Variants in BABAM2 observed in about 807,000 individuals in gnomAD.
BABAM2 encodes the protein BRISC and BRCA1-A complex member 2.
In BABAM2, 31 loss-of-function variants were observed where a neutral mutation model predicts 54.7. The observed-to-expected ratio is 0.57, with a 90% CI of 0.43 to 0.77. BABAM2 has a LOEUF of 0.77. BABAM2 is among the 30% of genes least tolerant of loss of function. BABAM2 has a pLI of 0.00. For missense variants in BABAM2, 364 were observed against 455.8 expected, an observed-to-expected ratio of 0.80 and a Z score of 1.83; for synonymous variants, 167 against 162.9, an observed-to-expected ratio of 1.03 and a Z score of -0.19.
At chr2:27,956,532 G>A (rs1377161961) in intron 3 of BABAM2, among the ~76,000 whole-genome samples, 2 of 152,116 alleles carry the variant, frequency 1.3e-5, no homozygotes, top group African/African-American at 4.8e-5. Flanking sequence ...GACCCACACA[G>A]TAGACAATCA....
At chr2:28,277,251 G>A (rs1045313917) in intron 10 of BABAM2, among the ~76,000 whole-genome samples, 1 of 152,076 alleles carries the variant, frequency 6.6e-6, no homozygotes, top group Non-Finnish European at 1.5e-5. Flanking sequence ...GACTACAGGT[G>A]CCCGCCACCA....
chr2:28,176,185 C>T (rs1674923435), intron 7 of BABAM2, among the ~76,000 whole-genome samples: 1 of 152,114 alleles, frequency 6.6e-6, no homozygotes, highest in Non-Finnish European at 1.5e-5. Context: ...AAATATGACA[C>T]CTCTAAGGGA....
At chr2:28,140,856 G>A (rs1256655304) in intron 7 of BABAM2, among the ~76,000 whole-genome samples, 1 of 152,042 alleles carries the variant, frequency 6.6e-6, no homozygotes, top group Non-Finnish European at 1.5e-5. Context: ...AAATACCATA[G>A]ACTGGATGGC....
intron 3 of BABAM2, among the ~76,000 whole-genome samples, chr2:27,978,807 A>G (rs1028790115): frequency 2.3e-4 from 35 of 152,016 alleles, no homozygotes; most frequent in African/African-American, 4.1e-4. Context: ...TCCACCCTCA[A>G]GTAGGCCCCA....
At chr2:28,110,775 A>C (rs577576277) in intron 6 of BABAM2, among the ~76,000 whole-genome samples, 1 of 152,250 alleles carries the variant, frequency 6.6e-6, no homozygotes, top group Admixed American at 6.5e-5. Flanking sequence ...TTTTTGAGAA[A>C]CTGCCGTACT....
intron 6 of BABAM2, among the ~76,000 whole-genome samples, chr2:28,063,478 T>TA (rs1476139028): frequency 6.6e-6 from 1 of 152,242 alleles, no homozygotes; most frequent in Non-Finnish European, 1.5e-5. Flanking sequence ...GCCAAGTCTT[T>TA]AAAATCCAGT....
At chr2:27,943,223 G>C (rs1460707943) in intron 3 of BABAM2, among the ~76,000 whole-genome samples, 1 of 152,108 alleles carries the variant, frequency 6.6e-6, no homozygotes, top group Non-Finnish European at 1.5e-5. Context: ...TAATCTGTTT[G>C]GAAAATGTTA....
intron 5 of BABAM2, among the ~76,000 whole-genome samples, chr2:28,045,206 A>G (rs1256027478): frequency 6.6e-6 from 1 of 152,194 alleles, no homozygotes; most frequent in Non-Finnish European, 1.5e-5. Context: ...TGATAATGAT[A>G]TAGTGGACTT....
intron 2 of BABAM2, among the ~76,000 whole-genome samples, chr2:27,926,853 AATG>A (rs1667742428): frequency 6.6e-6 from 1 of 152,202 alleles, no homozygotes; most frequent in African/African-American, 2.4e-5. Flanking sequence ...TGGGGTATAT[AATG>A]ATGTTTTGTT....
chr2:27,889,154 T>G (rs780595217), upstream of BABAM2, among the ~76,000 whole-genome samples: 2 of 152,222 alleles, frequency 1.3e-5, no homozygotes, highest in Non-Finnish European at 2.9e-5. Context: ...CAGTGGAAAT[T>G]TGGTAACACA....
chr2:28,161,824 G>A (rs145792468), intron 7 of BABAM2, among the ~76,000 whole-genome samples: 11 of 152,060 alleles, frequency 7.2e-5, no homozygotes, highest in African/African-American at 2.4e-4. Context: ...TGTTGAGTGA[G>A]GTACTATTTT....
intron 11 of BABAM2, among the ~76,000 whole-genome samples, chr2:28,336,693 G>C (rs564161842): frequency 6.6e-6 from 1 of 152,372 alleles, no homozygotes; most frequent in South Asian, 2.1e-4. Flanking sequence ...CTGAGAAAGA[G>C]CTGGAGCATT....
intron 7 of BABAM2, among the ~76,000 whole-genome samples, chr2:28,231,747 T>C (rs1006749314): frequency 7.0e-6 from 1 of 142,556 alleles, no homozygotes; most frequent in Non-Finnish European, 1.5e-5. Context: ...GTAACTCTAA[T>C]TGGTACTCTA....
At chr2:27,965,748 G>A (rs1670792381) in intron 3 of BABAM2, among the ~76,000 whole-genome samples, 1 of 152,112 alleles carries the variant, frequency 6.6e-6, no homozygotes, top group Non-Finnish European at 1.5e-5. Flanking sequence ...CTGATTGTGT[G>A]CACATTGCAA....
At chr2:28,111,229 C>G (rs1047596064) in intron 6 of BABAM2, among the ~76,000 whole-genome samples, 1 of 151,832 alleles carries the variant, frequency 6.6e-6, no homozygotes, top group Non-Finnish European at 1.5e-5. Context: ...AATCCACCCA[C>G]CTTGGCCTCC....
intron 4 of BABAM2, among the ~76,000 whole-genome samples, chr2:28,007,689 A>C (rs1010112454): frequency 3.9e-5 from 6 of 152,160 alleles, no homozygotes; most frequent in African/African-American, 1.4e-4. Flanking sequence ...TTGAGCCATA[A>C]TAATTTCATT....
intron 6 of BABAM2, among the ~76,000 whole-genome samples, chr2:28,092,698 A>T (rs1356058201): frequency 6.6e-6 from 1 of 151,824 alleles, no homozygotes; most frequent in Non-Finnish European, 1.5e-5. Flanking sequence ...AGTATTTTGT[A>T]CCTAACCAAT....
At chr2:28,026,778 AAAATAT>A (rs1208963231) in intron 5 of BABAM2, among the ~76,000 whole-genome samples, 1 of 102,560 alleles carries the variant, frequency 9.8e-6, no homozygotes, top group Non-Finnish European at 1.9e-5. Context: ...AATATATAAA[AAAATAT>A]AAATATATAT....
At chr2:28,151,438 G>A (rs1443390278) in intron 7 of BABAM2, among the ~76,000 whole-genome samples, 2 of 152,128 alleles carry the variant, frequency 1.3e-5, no homozygotes, top group Admixed American at 1.3e-4. Context: ...AGGTGTGGTG[G>A]CAAGCACCTG....
Sources: gnomAD v4.1 joint callset for allele counts (sites outside exome capture counted in the v4.1 genomes callset) on GRCh38, gnomAD v4.1.1 for gene constraint, MANE v1.5 for transcripts, NCBI Gene and HGNC (gene_info 2026-07-23, HGNC 2026-07-21) for gene names.